IWS1: variants seen among roughly 807,000 people sequenced by gnomAD.
IWS1 encodes protein IWS1 homolog.
A neutral mutation model predicts 86.7 loss-of-function variants in IWS1; 27 were observed. That is an observed-to-expected ratio of 0.31 (90% CI 0.23 to 0.43). IWS1 has a LOEUF of 0.43. IWS1 is among the 20% of genes least tolerant of loss of function. The pLI, the probability that IWS1 is intolerant of heterozygous loss-of-function variation, is 1.00. For missense variants in IWS1, 827 were observed against 1,000.8 expected (o/e 0.83, Z 2.34); for synonymous variants, 313 against 335.1 (o/e 0.93, Z 0.72).
chr2:127,489,538 G>C lies in IWS1; in HGVS notation c.2159+294C>G, dbSNP rs936982541. 1 of 496,988 alleles carries C rather than the reference G, an allele frequency of 2.0e-6. No individual in the cohort carries two copies. The highest frequency in any genetic ancestry group is 3.5e-6 in the Non-Finnish European group (1 of 282,214). 30.8% of individuals were successfully genotyped at this position (496,988 alleles called of 1,614,324 possible). A position where few individuals can be genotyped will look rare whatever the true frequency, so the allele number is the denominator to read the frequency against. On this transcript the variant is annotated intron_variant, in intron 11 of 13. Transcript: ENST00000295321. This position sits in a 1 kb window ranked among gnomAD's most constrained non-coding sequence, Gnocchi z 4.8. ...ATAACATTTTTTCTTCTAGGAACTCGGAAACGGGACCCAGAAAGTTGTTTT... is the reference window on the plus strand; with the variant it reads ...ATAACATTTTTTCTTCTAGGAACTCCGAAACGGGACCCAGAAAGTTGTTTT...
At chr2:127,493,111 A>G in intron 9 of IWS1, 170 bp downstream of exon 9, 1 of 506,306 alleles carries the variant, frequency 2.0e-6, no homozygotes, top group Non-Finnish European at 3.3e-6. Flanking sequence ...AAGTTTTATA[A>G]GGTCTTCCCT....
At chr2:127,512,701 A>T (rs1260509085) in intron 2 of IWS1, among the ~76,000 whole-genome samples, 1 of 152,190 alleles carries the variant, frequency 6.6e-6, no homozygotes. Flanking sequence ...TACTAAGCCC[A>T]TCCTCCCTTC....
chr2:127,513,819 A>G (rs777082384), intron 2 of IWS1, among the ~76,000 whole-genome samples: 27 of 152,226 alleles, frequency 1.8e-4, no homozygotes, highest in Non-Finnish European at 4.0e-4. Flanking sequence ...AGTCCTTTCA[A>G]TCTCTTCTAT....
rs555552538 is a variant in IWS1, at chr2:127,500,282, G to A, written c.1468-2045C>T. 5.3e-4 allele frequency among the ~76,000 whole-genome samples: 80 copies of A among 152,254 alleles called. 4 individuals are homozygous for A. Among genetic ancestry groups the A allele is most frequent in the Middle Eastern group, 6.8e-3 (2 of 294 alleles). Reference sequence around the variant, plus strand: ...TAATTGCCAAAGAGGATTATACGTGGATTATATAGAGACTGTTCCCTGGTT... The same window carrying A: ...TAATTGCCAAAGAGGATTATACGTGAATTATATAGAGACTGTTCCCTGGTT... On this transcript the variant is annotated intron_variant, in intron 5 of 13. Coordinates refer to ENST00000295321, the MANE Select transcript of IWS1 (RefSeq NM_017969.3).
chr2:127,523,724 A>G lies in IWS1; in HGVS notation c.102T>C (p.Asn34=). ...DSGSDGEDDV[N]EQHSGSDTGS... Reference sequence around the variant, plus strand: ...CAGTGTCTGATCCGGAGTGTTGCTCATTTACATCATCCTCACCGTCTGACC... The same window carrying G: ...CAGTGTCTGATCCGGAGTGTTGCTCGTTTACATCATCCTCACCGTCTGACC... The change falls in exon 2 of 14, where the codon AAT becomes AAC. Residue 34 remains asparagine (N), a synonymous_variant. Transcript: ENST00000295321. 6.2e-7 allele frequency: 1 copy of G among 1,614,038 alleles called. No homozygotes were observed. The highest frequency in any genetic ancestry group is 8.5e-7 in the Non-Finnish European group (1 of 1,179,972).
At chr2:127,483,402 C>G (rs1259273528) in intron 13 of IWS1, among the ~76,000 whole-genome samples, 2 of 151,596 alleles carry the variant, frequency 1.3e-5, no homozygotes, top group African/African-American at 4.9e-5. Flanking sequence ...GCCAGAGGAT[C>G]GCTTGAGACC....
chr2:127,483,118 T>TAA (rs1689720749), intron 13 of IWS1: 1 of 152,208 alleles, frequency 6.6e-6, no homozygotes, highest in South Asian at 2.1e-4. Context: ...ATGTTAACAT[T>TAA]AAGTTGTGGT....
chr2:127,494,892 A>G lies in IWS1; in HGVS notation c.1779T>C (p.Ala593=), dbSNP rs746832736. The change falls in exon 8 of 14, where the codon GCT becomes GCC. Residue 593 remains alanine, a synonymous_variant. Coordinates refer to ENST00000295321, the MANE Select transcript of IWS1 (RefSeq NM_017969.3). ...PALKKLTLLP[A]VVMHLKKQDL... ...CTTACTTCTTAAGGTGCATAACTAC[A>G]GCAGGCAGTAAAGTTAATTTTTTCA... 3.1e-6 allele frequency: 5 copies of G among 1,601,422 alleles called. No individual in the cohort carries two copies. The highest frequency in any genetic ancestry group is 4.3e-6 in the Non-Finnish European group (5 of 1,171,994).
At chr2:127,490,007 T>C (rs1690138993) in intron 10 of IWS1, 64 bp from the exon 11 acceptor site, 7 of 873,880 alleles carry the variant, frequency 8.0e-6, no homozygotes, top group Admixed American at 1.7e-5. Context: ...TTTCAAATAA[T>C]TGCACCCCAG....
intron 13 of IWS1, among the ~76,000 whole-genome samples, chr2:127,483,583 T>TTG (rs1689759433): frequency 1.9e-4 from 4 of 20,624 alleles, no homozygotes; most frequent in Non-Finnish European, 2.7e-4. Flanking sequence ...GGGCGGGGGG[T>TTG]GGTGGGGTGG....
intron 1 of IWS1, 33 bp downstream of exon 1, chr2:127,526,142 C>T (rs764127271): frequency 6.3e-7 from 1 of 1,580,762 alleles, no homozygotes; most frequent in Admixed American, 1.8e-5. Context: ...ACTGCTCCGC[C>T]TCCCAGCCCG....
intron 2 of IWS1, among the ~76,000 whole-genome samples, chr2:127,510,083 A>G (rs559798290): frequency 2.6e-4 from 39 of 152,344 alleles, no homozygotes; most frequent in African/African-American, 9.4e-4. Flanking sequence ...CTCTACCATT[A>G]TAAACTGGTA....
chr2:127,493,042 C>A (rs769349620), intron 9 of IWS1: 9 of 317,696 alleles, frequency 2.8e-5, no homozygotes, highest in Non-Finnish European at 5.1e-5. Flanking sequence ...CTGTACTACT[C>A]TTCTCAGACA....
At chr2:127,523,896 C>T in intron 1 of IWS1, 105 bp from the exon 2 acceptor site, 1 of 719,196 alleles carries the variant, frequency 1.4e-6, no homozygotes, top group African/African-American at 1.8e-5. Context: ...AAAGTTACCA[C>T]TGAGGAAGCA....
chr2:127,493,192 A>T, intron 9 of IWS1, 89 bp downstream of exon 9: 3 of 1,186,888 alleles, frequency 2.5e-6, no homozygotes, highest in Non-Finnish European at 3.4e-6. Flanking sequence ...CAGAGATAAC[A>T]TATAAAAACA....
At chr2:127,483,345 G>A (rs1038447698) in intron 13 of IWS1, among the ~76,000 whole-genome samples, 9 of 151,962 alleles carry the variant, frequency 5.9e-5, no homozygotes, top group African/African-American at 9.7e-5. Context: ...ATTCATGGCC[G>A]GGTGTGGTGG....
chr2:127,518,560 T>C (rs1691904022), intron 2 of IWS1, among the ~76,000 whole-genome samples: 1 of 143,490 alleles, frequency 7.0e-6, no homozygotes. Flanking sequence ...GGACAGGCGA[T>C]TCTTTTTTTT....
At chr2:127,524,392 T>C (rs1381411652) in intron 1 of IWS1, among the ~76,000 whole-genome samples, 4 of 152,202 alleles carry the variant, frequency 2.6e-5, no homozygotes, top group African/African-American at 9.7e-5. Flanking sequence ...GGTCTTGCTA[T>C]GTTGCCCAGG....
In IWS1 at chr2:127,498,204, CT is replaced by C; in HGVS notation, c.1500del (p.Gly501ValfsTer5). The C allele has an allele frequency of 3.1e-6, 5 of 1,592,410 alleles. No homozygotes were observed. Among genetic ancestry groups the C allele is most frequent in the Non-Finnish European group, 4.3e-6 (5 of 1,160,630 alleles). On this transcript the variant is annotated frameshift_variant, in exon 6 of 14. Transcript: ENST00000295321. LOFTEE classifies it high-confidence loss of function. Reference protein sequence around the residue: ...GFNQEDLEEEKGETQVKEAED... With the variant: ...GFNQEDLEEEXGETQVKEAED... ...TCTGCTTCTTTTACCTGTGTTTCAC[CT>C]TTTTCTTCTTCCAGATCTTCTTGGT...
Sources: gnomAD v4.1 joint callset for allele counts (sites outside exome capture counted in the v4.1 genomes callset) on GRCh38, gnomAD v4.1.1 for gene constraint, Gnocchi (gnomAD v3.1) non-coding constraint, MANE v1.5 for transcripts, NCBI Gene and HGNC (gene_info 2026-07-23, HGNC 2026-07-21) for gene names.